PFDN1: variants seen among roughly 807,000 people sequenced by gnomAD.
PFDN1 encodes prefoldin subunit 1, also known as prefoldin 1.
PFDN1 carries 6 observed loss-of-function variants against 17.3 expected under a neutral mutation model. That is an observed-to-expected ratio of 0.35 (90% CI 0.19 to 0.69). PFDN1 has a LOEUF of 0.69. Among genes scored for constraint, PFDN1 ranks in the 30% least tolerant of loss-of-function variants. The probability of loss-of-function intolerance (pLI) is 0.65; values close to 1 mark genes in which losing one functional copy is unlikely to be tolerated. For missense variants in PFDN1, 113 were observed against 146.2 expected, an observed-to-expected ratio of 0.77 and a Z score of 1.17; for synonymous variants, 58 against 50.1, an observed-to-expected ratio of 1.16 and a Z score of -0.67.
At chr5:140,274,224 T>C (rs1581089762) in intron 3 of PFDN1, among the ~76,000 whole-genome samples, 1 of 152,326 alleles carries the variant, frequency 6.6e-6, no homozygotes, top group East Asian at 1.9e-4. Flanking sequence ...TAAAACTGAA[T>C]TTTGTCAAAA....
intron 2 of PFDN1, among the ~76,000 whole-genome samples, chr5:140,286,602 GGGGGGGGGGGGGGGGGGGC>G (rs1765496317): frequency 2.3e-4 from 3 of 12,798 alleles, no homozygotes; most frequent in Admixed American, 7.8e-4. Context: ...TTTTGCGGGG[GGGGGGGGGGGGGGGGGGGC>G]GGGGGAGACA....
At chr5:140,264,562 G>A (rs1336507150) in intron 3 of PFDN1, among the ~76,000 whole-genome samples, 5 of 152,136 alleles carry the variant, frequency 3.3e-5, no homozygotes, top group Non-Finnish European at 7.4e-5. Flanking sequence ...GAGGGGACTA[G>A]GCATGGTGGG....
intron 3 of PFDN1, among the ~76,000 whole-genome samples, chr5:140,271,445 GGAAA>G (rs1260688403): frequency 2.0e-5 from 3 of 152,190 alleles, no homozygotes; most frequent in South Asian, 2.1e-4. Flanking sequence ...AAACAACGTA[GGAAA>G]GAGATTAATT....
At position 140,297,953 on chromosome 5, in the gene PFDN1, TG is replaced by T. The variant is rs1765677937; in HGVS notation, c.200+2462del. Among the ~76,000 whole-genome samples, 10 of 152,338 alleles carry T rather than the reference TG, an allele frequency of 6.6e-5. No individual in the cohort carries two copies. In the South Asian group the frequency reaches 2.1e-3, roughly 32 times the overall value. On this transcript the variant is annotated intron_variant, in intron 2 of 3. Transcript: ENST00000261813. ...TCCAAGTACAACATGTTAATAAAGC[TG>T]GCATTACTGTTTTAAGACCTAAGGA...
chr5:140,302,318 G>A (rs1175722220), intron 1 of PFDN1, among the ~76,000 whole-genome samples: 3 of 152,192 alleles, frequency 2.0e-5, no homozygotes, highest in Non-Finnish European at 4.4e-5. Context: ...AGTGGTGTTA[G>A]AATGCTGATC....
chr5:140,282,484 T>G (rs1369750853), intron 2 of PFDN1, among the ~76,000 whole-genome samples: 1 of 151,898 alleles, frequency 6.6e-6, no homozygotes, highest in Non-Finnish European at 1.5e-5. Context: ...ATCAATGCAT[T>G]AGTGTTTATA....
Position 140,245,198 on chromosome 5 carries a change from G to C in PFDN1, c.*776C>G. Reference sequence around the variant, plus strand: ...AAAATTGAATAATTGGCCCACCTGGGCTGGGATGAGCCAGCTGGATCACAC... The same window carrying C: ...AAAATTGAATAATTGGCCCACCTGGCCTGGGATGAGCCAGCTGGATCACAC... On this transcript the variant is annotated 3_prime_UTR_variant, in exon 4 of 4. Transcript: ENST00000261813. 1 of 334,906 alleles carries C rather than the reference G, an allele frequency of 3.0e-6. No individual in the cohort carries two copies. Among genetic ancestry groups the C allele is most frequent in the Non-Finnish European group, 5.4e-6 (1 of 184,764 alleles). 20.7% of individuals were successfully genotyped at this position (334,906 alleles called of 1,614,324 possible).
At chr5:140,288,685 T>TA (rs1490645337) in intron 2 of PFDN1, among the ~76,000 whole-genome samples, 2 of 152,016 alleles carry the variant, frequency 1.3e-5, no homozygotes, top group Admixed American at 6.6e-5. Flanking sequence ...AAAACTACTA[T>TA]AAAAAAATAA....
intron 2 of PFDN1, among the ~76,000 whole-genome samples, chr5:140,291,879 A>G (rs905799082): frequency 2.0e-5 from 3 of 152,174 alleles, no homozygotes; most frequent in Non-Finnish European, 4.4e-5. Flanking sequence ...TAGGTCAAAT[A>G]AGATGAGGAC....
intron 2 of PFDN1, among the ~76,000 whole-genome samples, chr5:140,283,027 G>C (rs1662327503): frequency 2.0e-5 from 3 of 152,162 alleles, no homozygotes; most frequent in African/African-American, 7.2e-5. Context: ...GTGCCTAGGT[G>C]GGTTCTTATC....
chr5:140,287,427 C>T (rs1367979206), intron 2 of PFDN1, among the ~76,000 whole-genome samples: 4 of 152,128 alleles, frequency 2.6e-5, no homozygotes, highest in Non-Finnish European at 5.9e-5. Context: ...TTGCTAGTCA[C>T]CAGAGGGCCT....
intron 3 of PFDN1, among the ~76,000 whole-genome samples, chr5:140,272,055 T>C (rs899164408): frequency 1.3e-5 from 2 of 151,620 alleles, no homozygotes; most frequent in African/African-American, 4.8e-5. Flanking sequence ...AGTCTCACTG[T>C]GACGCCCAGG....
At chr5:140,299,734 G>A (rs1026060563) in intron 2 of PFDN1, among the ~76,000 whole-genome samples, 1 of 151,996 alleles carries the variant, frequency 6.6e-6, no homozygotes, top group African/African-American at 2.4e-5. Flanking sequence ...ACTTTAACCT[G>A]CCGGGTGTGG....
At chr5:140,293,093 CA>C (rs1765602510) in intron 2 of PFDN1, 1 of 151,950 alleles carries the variant, frequency 6.6e-6, no homozygotes, top group South Asian at 2.1e-4. Context: ...CAGAGAAATT[CA>C]GCTAATTAAG....
chr5:140,277,927 G>C (rs1341215558), intron 3 of PFDN1, among the ~76,000 whole-genome samples: 2 of 152,060 alleles, frequency 1.3e-5, no homozygotes, highest in Non-Finnish European at 2.9e-5. Context: ...AGAGCTGACA[G>C]GTCAGGTGCT....
At chr5:140,280,276 T>C (rs759499832) in intron 3 of PFDN1, among the ~76,000 whole-genome samples, 3 of 152,004 alleles carry the variant, frequency 2.0e-5, no homozygotes, top group Non-Finnish European at 2.9e-5. Context: ...TTTATCTACA[T>C]GAAATGATTC....
intron 3 of PFDN1, among the ~76,000 whole-genome samples, chr5:140,279,727 C>T (rs775256662): frequency 3.3e-5 from 5 of 151,708 alleles, no homozygotes; most frequent in South Asian, 2.1e-4. Context: ...CAAGGCCAGG[C>T]GCAGTGGCCT....
At chr5:140,246,286 C>G (rs1402624567) in intron 3 of PFDN1, among the ~76,000 whole-genome samples, 1 of 152,206 alleles carries the variant, frequency 6.6e-6, no homozygotes, top group Non-Finnish European at 1.5e-5. Flanking sequence ...AGCAAAAGTG[C>G]TCTGTGGAGG....
At chr5:140,288,937 A>T (rs927240199) in intron 2 of PFDN1, among the ~76,000 whole-genome samples, 1 of 151,614 alleles carries the variant, frequency 6.6e-6, no homozygotes, top group African/African-American at 2.4e-5. Context: ...GTGAGCCGAG[A>T]TCACACCACT....
Sources: allele counts gnomAD v4.1 joint callset (sites outside exome capture counted in the v4.1 genomes callset), GRCh38; gene constraint gnomAD v4.1.1; transcripts MANE v1.5; gene names NCBI Gene and HGNC (gene_info 2026-07-23, HGNC 2026-07-21).